FGGY: variants seen among roughly 807,000 people sequenced by gnomAD.
FGGY encodes FGGY carbohydrate kinase domain containing, also known as FGGY carbohydrate kinase domain-containing protein.
Under a neutral mutation model 71.3 loss-of-function variants are expected in FGGY, and 72 were observed. That is an observed-to-expected ratio of 1.01 (90% confidence interval 0.84 to 1.23). The LOEUF is 1.23. FGGY is among the 50% of genes most tolerant of loss of function. The pLI, the probability that FGGY is intolerant of heterozygous loss-of-function variation, is 0.00. For synonymous variants in FGGY, 251 were observed against 250.3 expected (o/e 1.00, Z -0.02); for missense variants, 668 against 682.3 (o/e 0.98, Z 0.23).
intron 1 of FGGY, among the ~76,000 whole-genome samples, chr1:59,320,636 T>C (rs922309490): frequency 2.6e-5 from 4 of 152,148 alleles, no homozygotes; most frequent in Non-Finnish European, 2.9e-5. Context: ...TCACAAGGGG[T>C]CTGTAAGGAA....
At chr1:59,513,702 T>C (rs1375314872) in intron 7 of FGGY, among the ~76,000 whole-genome samples, 1 of 152,236 alleles carries the variant, frequency 6.6e-6, no homozygotes, top group Non-Finnish European at 1.5e-5. Flanking sequence ...GTATCCTTCA[T>C]GCCAAGCCCT....
intron 5 of FGGY, among the ~76,000 whole-genome samples, chr1:59,423,634 C>G (rs764340361): frequency 6.6e-5 from 10 of 152,028 alleles, no homozygotes; most frequent in Admixed American, 2.0e-4. Flanking sequence ...CTCCCCAGTT[C>G]TTGAGGAAAA....
At chr1:59,350,236 G>A (rs984863550) in intron 4 of FGGY, among the ~76,000 whole-genome samples, 16 of 152,134 alleles carry the variant, frequency 1.1e-4, no homozygotes, top group Admixed American at 1.0e-3. Flanking sequence ...TAGGCACTGG[G>A]GAACTGGGGA....
At chr1:59,400,366 T>C (rs1331234430) in intron 5 of FGGY, among the ~76,000 whole-genome samples, 1 of 152,188 alleles carries the variant, frequency 6.6e-6, no homozygotes, top group Admixed American at 6.5e-5. Context: ...TTATTGTGAC[T>C]TACGTCATAA....
intron 4 of FGGY, among the ~76,000 whole-genome samples, chr1:59,358,046 C>A (rs575260664): frequency 2.0e-5 from 3 of 152,152 alleles, no homozygotes; most frequent in Non-Finnish European, 4.4e-5. Context: ...GAGGAAAATA[C>A]GATCTTTATA....
chr1:59,297,716 G>T (rs1171624582), intron 1 of FGGY, among the ~76,000 whole-genome samples: 1 of 151,870 alleles, frequency 6.6e-6, no homozygotes, highest in South Asian at 2.1e-4. Flanking sequence ...CCAGCTTCTC[G>T]GGAGGCTGAG....
chr1:59,566,257 C>G (rs1358431817), intron 8 of FGGY, among the ~76,000 whole-genome samples: 2 of 152,058 alleles, frequency 1.3e-5, no homozygotes, highest in African/African-American at 2.4e-5. Flanking sequence ...GGGTCCCGTG[C>G]CAAGTGCCTG....
chr1:59,408,319 AAATATGCTATT>A (rs2063069637), intron 5 of FGGY, among the ~76,000 whole-genome samples: 1 of 152,206 alleles, frequency 6.6e-6, no homozygotes, highest in Non-Finnish European at 1.5e-5. Flanking sequence ...ACCTAGAATA[AAATATGCTATT>A]AATATGCTGT....
chr1:59,648,708 A>C (rs2097125284), intron 11 of FGGY, among the ~76,000 whole-genome samples: 1 of 150,394 alleles, frequency 6.6e-6, no homozygotes, highest in South Asian at 2.1e-4. Context: ...TTGCCTGTTC[A>C]GTCTGATGGT....
chr1:59,698,334 A>G (rs1272681782), intron 14 of FGGY, among the ~76,000 whole-genome samples: 1 of 152,094 alleles, frequency 6.6e-6, no homozygotes, highest in Non-Finnish European at 1.5e-5. Context: ...ATACTTTTCT[A>G]TCTTCCCAGC....
At chr1:59,574,163 C>T (rs1448157979) in intron 8 of FGGY, among the ~76,000 whole-genome samples, 1 of 152,228 alleles carries the variant, frequency 6.6e-6, no homozygotes, top group African/African-American at 2.4e-5. Flanking sequence ...TTTCACTCAG[C>T]CAAGATCAAG....
intron 6 of FGGY, among the ~76,000 whole-genome samples, chr1:59,489,197 C>T (rs924876516): frequency 2.6e-5 from 4 of 152,014 alleles, no homozygotes; most frequent in African/African-American, 9.7e-5. Context: ...GCATATCCAT[C>T]ATCTCAAACA....
intron 7 of FGGY, among the ~76,000 whole-genome samples, chr1:59,550,199 C>T (rs933852723): frequency 5.9e-5 from 9 of 152,094 alleles, no homozygotes; most frequent in South Asian, 2.1e-4. Context: ...AGGGCCCCAG[C>T]GGTACCGAGG....
chr1:59,542,706 T>C (rs1189592598), intron 7 of FGGY, among the ~76,000 whole-genome samples: 1 of 152,164 alleles, frequency 6.6e-6, no homozygotes. Context: ...TCTGCCTGCC[T>C]TGGCCTCCCA....
chr1:59,382,016 A>C (rs1197161711), intron 5 of FGGY, among the ~76,000 whole-genome samples: 1 of 152,184 alleles, frequency 6.6e-6, no homozygotes, highest in African/African-American at 2.4e-5. Context: ...AGATTTAAGG[A>C]GATGCCTAAG....
intron 12 of FGGY, among the ~76,000 whole-genome samples, chr1:59,662,614 G>A (rs1431740656): frequency 6.6e-6 from 1 of 152,134 alleles, no homozygotes; most frequent in Non-Finnish European, 1.5e-5. Flanking sequence ...ATAAGATTAT[G>A]ATACTGTATG....
At chr1:59,490,111 C>T (rs935067900) in intron 6 of FGGY, among the ~76,000 whole-genome samples, 2 of 152,074 alleles carry the variant, frequency 1.3e-5, no homozygotes, top group African/African-American at 4.8e-5. Flanking sequence ...AGTGCAGTGG[C>T]ACAGTCATAG....
At chr1:59,410,091 G>A (rs1208168109) in intron 5 of FGGY, among the ~76,000 whole-genome samples, 2 of 152,182 alleles carry the variant, frequency 1.3e-5, no homozygotes, top group Non-Finnish European at 2.9e-5. Flanking sequence ...GAGGCCACTT[G>A]AAATAGACAT....
chr1:59,719,240 A>C (rs1383113779), intron 14 of FGGY, among the ~76,000 whole-genome samples: 1 of 152,208 alleles, frequency 6.6e-6, no homozygotes, highest in African/African-American at 2.4e-5. Context: ...GTCTTTCTTA[A>C]CAAAGAAGTC....
Sources: gnomAD v4.1 joint callset for allele counts (sites outside exome capture counted in the v4.1 genomes callset) on GRCh38, gnomAD v4.1.1 for gene constraint, MANE v1.5 for transcripts, NCBI Gene and HGNC (gene_info 2026-07-23, HGNC 2026-07-21) for gene names.